The following FBN1 variants were observed in gnomAD, a reference collection of about 807,000 sequenced individuals.
FBN1 encodes fibrillin-1.
A neutral mutation model predicts 365.1 loss-of-function variants in FBN1; 29 were observed. The ratio of observed to expected loss-of-function variants is 0.08; its 90% CI spans 0.06 to 0.11. The LOEUF (loss-of-function observed/expected upper bound fraction) is 0.11. Among genes scored for constraint, FBN1 ranks in the 10% least tolerant of loss-of-function variants. The probability of loss-of-function intolerance (pLI) is 1.00; values close to 1 mark genes in which losing one functional copy is unlikely to be tolerated. For missense variants in FBN1, 2,476 were observed against 3,703.2 expected (o/e 0.67, Z 8.60); for synonymous variants, 1,210 against 1,270.5 (o/e 0.95, Z 1.01).
intron 20 of FBN1, among the ~76,000 whole-genome samples, 190 bp from the exon 21 acceptor site, chr15:48,495,778 G>A (rs1056976859): frequency 6.6e-6 from 1 of 152,210 alleles, no homozygotes; most frequent in Non-Finnish European, 1.5e-5. Flanking sequence ...CATCTCTATA[G>A]TATAGAATAC....
chr15:48,612,725 T>C (rs907240474), intron 3 of FBN1, among the ~76,000 whole-genome samples: 3 of 152,058 alleles, frequency 2.0e-5, no homozygotes, highest in African/African-American at 7.3e-5. Flanking sequence ...AATAATACCC[T>C]TTCATTCAAA....
At chr15:48,623,966 CAA>C (rs1276475451) in intron 2 of FBN1, among the ~76,000 whole-genome samples, 31 of 72,132 alleles carry the variant, frequency 4.3e-4, no homozygotes, top group South Asian at 3.9e-3. Context: ...CACAAAGACA[CAA>C]ACACACACAC....
chr15:48,510,321 T>C (rs1242261948), intron 13 of FBN1, 152 bp from the exon 14 acceptor site: 1 of 753,420 alleles, frequency 1.3e-6, no homozygotes, highest in African/African-American at 1.8e-5. Context: ...TATCAAATAA[T>C]GTGATATTTA....
Position 48,470,785 on chromosome 15 carries a change from A to T in FBN1, c.4337-29T>A, listed in dbSNP as rs368194234. On this transcript the variant is annotated intron_variant, in intron 35 of 65. Transcript: ENST00000316623. ...GGGGGGAGGGAGAAAAAAGCAAAAA[A>T]CTTAACTTATATTTTTCTAAAAAAA... 3,730 of 1,610,308 alleles carry T rather than the reference A, an allele frequency of 2.3e-3. 12 individuals carry two copies. The highest frequency in any genetic ancestry group is 2.9e-3 in the Non-Finnish European group (3,437 of 1,178,014).
At chr15:48,503,730 G>C in intron 17 of FBN1, 57 bp downstream of exon 17, 1 of 1,606,796 alleles carries the variant, frequency 6.2e-7, no homozygotes, top group Non-Finnish European at 8.5e-7. Context: ...CAAATGCAAA[G>C]ACCTCAATGG....
At chr15:48,518,234 C>T (rs766460645) in intron 10 of FBN1, among the ~76,000 whole-genome samples, 8 of 152,152 alleles carry the variant, frequency 5.3e-5, no homozygotes, top group African/African-American at 2.4e-5. Context: ...ATCATCTGTA[C>T]GTGCCATATC....
chr15:48,623,304 G>T (rs1482277345), intron 2 of FBN1, among the ~76,000 whole-genome samples: 2 of 152,200 alleles, frequency 1.3e-5, no homozygotes, highest in Non-Finnish European at 2.9e-5. Context: ...TTTAAAAGAA[G>T]ACTATTTAAC....
intron 13 of FBN1, among the ~76,000 whole-genome samples, chr15:48,511,037 G>C (rs556133438): frequency 2.5e-4 from 38 of 152,264 alleles, no homozygotes; most frequent in African/African-American, 8.9e-4. Flanking sequence ...CAGAAGACAG[G>C]GACCAAGAAA....
chr15:48,541,294 A>T (rs982053161), intron 6 of FBN1, among the ~76,000 whole-genome samples: 1 of 152,246 alleles, frequency 6.6e-6, no homozygotes, highest in Non-Finnish European at 1.5e-5. Context: ...TGTAGAATAG[A>T]AACTATGGAC....
intron 44 of FBN1, among the ~76,000 whole-genome samples, chr15:48,453,413 G>A (rs1400849803): frequency 3.9e-5 from 6 of 152,062 alleles, no homozygotes; most frequent in Non-Finnish European, 8.8e-5. Context: ...GCGACATAAT[G>A]TATGATTCCA....
At chr15:48,467,841 CT>C in intron 38 of FBN1, 96 bp downstream of exon 38, 2 of 1,140,650 alleles carry the variant, frequency 1.8e-6, no homozygotes, top group Non-Finnish European at 2.7e-6. Context: ...ACTGATCTTT[CT>C]TCTCTGATCT....
At position 48,520,885 on chromosome 15, in the gene FBN1, C is replaced by A. The variant is rs113964612; in HGVS notation, c.989-68G>T. On this transcript the variant is annotated intron_variant, in intron 9 of 65. Coordinates refer to ENST00000316623, the MANE Select transcript of FBN1 (RefSeq NM_000138.5). ...TAATACTTGTAACAACACTCCCCTG[C>A]CCGAGCAGCTCCATACTTCACACTG... 5,457 of 1,601,250 alleles carry A rather than the reference C, an allele frequency of 3.4e-3. 170 individuals are homozygous for A. The African/African-American group carries it at 0.064, about 19-fold the overall frequency.
At chr15:48,469,103 T>C (rs2043348440) in intron 36 of FBN1, among the ~76,000 whole-genome samples, 1 of 101,446 alleles carries the variant, frequency 9.9e-6, no homozygotes, top group African/African-American at 4.3e-5. Context: ...TAAAATATAA[T>C]ATATATTACA....
chr15:48,434,822 G>C (rs1339559766), intron 53 of FBN1, 109 bp from the exon 54 acceptor site: 29 of 1,345,654 alleles, frequency 2.2e-5, no homozygotes, highest in East Asian at 4.9e-5. Flanking sequence ...TTTTGAGACA[G>C]AGTCTCACTT....
At chr15:48,435,698 G>GTGTGTATATATA (rs2043061963) in intron 53 of FBN1, among the ~76,000 whole-genome samples, 1 of 111,432 alleles carries the variant, frequency 9.0e-6, no homozygotes, top group South Asian at 3.2e-4. Context: ...GTGCATGTGT[G>GTGTGTATATATA]TGTGTATATA....
intron 43 of FBN1, among the ~76,000 whole-genome samples, chr15:48,458,479 C>T (rs2141262324): frequency 6.6e-6 from 1 of 152,194 alleles, no homozygotes; most frequent in East Asian, 1.9e-4. Flanking sequence ...ATGAAAATGC[C>T]ATATAAAGTT....
rs779209804 is a variant in FBN1, at chr15:48,626,918, C to T, written c.165-13826G>A. Among the ~76,000 whole-genome samples the T allele has an allele frequency of 2.8e-3, 424 of 152,242 alleles. 2 individuals carry two copies. Among genetic ancestry groups the T allele is most frequent in the Non-Finnish European group, 4.6e-3 (312 of 68,004 alleles). ...GCTTTAATTTATAAAATTTACTCTT[C>T]CCCCAAACCCTATCAAGAAAATGTA... On this transcript the variant is annotated intron_variant, in intron 2 of 65. Coordinates refer to ENST00000316623, the MANE Select transcript of FBN1 (RefSeq NM_000138.5).
intron 6 of FBN1, among the ~76,000 whole-genome samples, chr15:48,545,307 C>G (rs1490964451): frequency 6.6e-6 from 1 of 152,008 alleles, no homozygotes; most frequent in African/African-American, 2.4e-5. Flanking sequence ...ATAAGTTCCA[C>G]AAAAGATGAA....
At chr15:48,617,746 G>A (rs1889685376) in intron 2 of FBN1, among the ~76,000 whole-genome samples, 1 of 152,144 alleles carries the variant, frequency 6.6e-6, no homozygotes, top group Non-Finnish European at 1.5e-5. Flanking sequence ...TCTCTCAACG[G>A]AGCAAACAGC....
Sources: allele counts gnomAD v4.1 joint callset (sites outside exome capture counted in the v4.1 genomes callset), GRCh38; gene constraint gnomAD v4.1.1; transcripts MANE v1.5; gene names NCBI Gene and HGNC (gene_info 2026-07-23, HGNC 2026-07-21).